The following DYNC1H1 variants were observed in gnomAD, a reference collection of about 807,000 sequenced individuals.
The protein encoded by DYNC1H1 is cytoplasmic dynein 1 heavy chain 1.
Under a neutral mutation model 527.1 loss-of-function variants are expected in DYNC1H1, and 51 were observed. The observed-to-expected ratio is 0.10, with a 90% CI of 0.08 to 0.12. The LOEUF (loss-of-function observed/expected upper bound fraction) is 0.12. DYNC1H1 is among the 10% of genes least tolerant of loss of function. The pLI, the probability that DYNC1H1 is intolerant of heterozygous loss-of-function variation, is 1.00. For synonymous variants in DYNC1H1, 2,189 were observed against 2,278.8 expected (o/e 0.96, Z 1.12); for missense variants, 2,771 against 5,971.8 (o/e 0.46, Z 17.66).
chr14:101,972,893 ATCGCAGTACT>A (rs1349093534), intron 1 of DYNC1H1, among the ~76,000 whole-genome samples: 3 of 152,228 alleles, frequency 2.0e-5, no homozygotes, highest in Non-Finnish European at 4.4e-5. Context: ...GGAGAAAATC[ATCGCAGTACT>A]TTGACAGCTG....
At chr14:102,034,247 T>C in intron 55 of DYNC1H1, 59 bp downstream of exon 55, 4 of 1,614,154 alleles carry the variant, frequency 2.5e-6, no homozygotes, top group East Asian at 2.2e-5. Context: ...AGCTGGTGTT[T>C]AGTGCACAGT....
Position 102,047,870 on chromosome 14 carries a change from G to A in DYNC1H1, c.13060G>A (p.Asp4354Asn), listed in dbSNP as rs1449580462. The A allele has an allele frequency of 1.2e-6, 2 of 1,613,450 alleles. No homozygotes were observed. The highest frequency in any genetic ancestry group is 8.5e-7 in the Non-Finnish European group (1 of 1,180,000). Residue 4354 changes from aspartate (D) to asparagine (N), a missense_variant, in exon 73 of 78, where the codon GAC becomes AAC. This residue lies in a region of DYNC1H1 where 170 missense variants were observed against 249.8 expected (regional missense o/e 0.68). Transcript: ENST00000360184. ...LKMQMLEDED[D>N]LAYAETEKKT... The stretch of plus-strand genomic sequence containing the variant: ...GATGCAGATGTTGGAGGATGAGGAC[G>A]ACCTGGCCTACGCAGAGACTGAGAA...
chr14:102,035,822 CT>C (rs2048568109), intron 56 of DYNC1H1: 1 of 152,762 alleles, frequency 6.5e-6, no homozygotes, highest in Admixed American at 6.5e-5. Context: ...GGGCAAGGGA[CT>C]TTGGTGACCA....
Position 102,044,087 on chromosome 14 carries a change from T to C in DYNC1H1, c.12684+42T>C. ...CCAGGACAGACAGTGGACGTGTATC[T>C]GGGAAGGATGCTGCAGGGCGTGGTG... On this transcript the variant is annotated intron_variant, in intron 70 of 77. Transcript: ENST00000360184. The surrounding 1 kb of genome is among the most constrained non-coding windows in gnomAD (Gnocchi z 7.1). The C allele has an allele frequency of 6.2e-7, 1 of 1,610,070 alleles. No homozygotes were observed.
chr14:102,016,189 G>A lies in DYNC1H1; in HGVS notation c.7473+103G>A, dbSNP rs937153973. On this transcript the variant is annotated intron_variant, in intron 36 of 77. Transcript: ENST00000360184. The surrounding 1 kb of genome is among the most constrained non-coding windows in gnomAD (Gnocchi z 7.3). ...CTGTGGGGATGTGCGCTCTCTCCTA[G>A]GCGAGGCAGAGCCTTCGTTGAGGGG... 19 of 1,515,296 alleles carry A rather than the reference G, an allele frequency of 1.3e-5. No homozygotes were observed. Among genetic ancestry groups the A allele is most frequent in the Non-Finnish European group, 1.6e-5 (18 of 1,116,662 alleles). 93.9% of individuals were successfully genotyped at this position (1,515,296 alleles called of 1,614,324 possible). A position where few individuals can be genotyped will look rare whatever the true frequency, so the allele number is the denominator to read the frequency against.
Position 102,046,667 on chromosome 14 carries a change from G to A in DYNC1H1, c.13007-1150G>A, listed in dbSNP as rs546383890. Among the ~76,000 whole-genome samples the A allele has an allele frequency of 2.6e-5, 4 of 152,312 alleles. No individual in the cohort carries two copies. The East Asian group carries it at 5.8e-4, about 22-fold the overall frequency. ...GGCAGGTGGCACCCCCTCCTGGAGC[G>A]CCTCTCGAGCACGCACTCATTCATG... On this transcript the variant is annotated intron_variant, in intron 72 of 77. Transcript: ENST00000360184.
rs756981107 is a variant in DYNC1H1 at position 102,039,769 on chromosome 14, G to T, written c.11690+37G>T. 4 of 1,607,034 alleles carry T rather than the reference G, an allele frequency of 2.5e-6. No homozygotes were observed. The highest frequency in any genetic ancestry group is 3.4e-6 in the Non-Finnish European group (4 of 1,173,948). On this transcript the variant is annotated intron_variant, in intron 62 of 77. Coordinates refer to ENST00000360184, the MANE Select transcript of DYNC1H1 (RefSeq NM_001376.5). This position sits in a 1 kb window ranked among gnomAD's most constrained non-coding sequence, Gnocchi z 7.0. ...CACGCCCACAGGAGGATGCCATATT[G>T]CTGGTGGCCCCCAAGGGTTTCATGA... is the stretch of plus-strand genomic sequence containing the variant.
chr14:102,044,661 G>A lies in DYNC1H1; in HGVS notation c.12969G>A (p.Leu4323=), dbSNP rs2048693560. 1 of 1,614,112 alleles carries A rather than the reference G, an allele frequency of 6.2e-7. No homozygotes were observed. The highest frequency in any genetic ancestry group is 8.5e-7 in the Non-Finnish European group (1 of 1,180,038). The change falls in exon 72 of 78, where the codon CTG becomes CTA. Residue 4323 remains leucine, a synonymous_variant. Coordinates refer to ENST00000360184, the MANE Select transcript of DYNC1H1 (RefSeq NM_001376.5). The surrounding 1 kb of genome is among the most constrained non-coding windows in gnomAD (Gnocchi z 7.1). ...PDTQTPSWLG[L]PNNAERVLLT... ...CCCAGACGCCCTCCTGGCTGGGCCTGCCCAACAACGCCGAGAGAGTCCTCC... is the reference window on the plus strand; with the variant it reads ...CCCAGACGCCCTCCTGGCTGGGCCTACCCAACAACGCCGAGAGAGTCCTCC...
At position 102,044,719 on chromosome 14, in the gene DYNC1H1, C is replaced by T. The variant is rs1412726714; in HGVS notation, c.13006+21C>T. On this transcript the variant is annotated intron_variant, in intron 72 of 77. Coordinates refer to ENST00000360184, the MANE Select transcript of DYNC1H1 (RefSeq NM_001376.5). This position sits in a 1 kb window ranked among gnomAD's most constrained non-coding sequence, Gnocchi z 7.1. The stretch of plus-strand genomic sequence containing the variant: ...ACAGGGTAGGCAACAAGGATCCTCC[C>T]CACACGCAGGGTGGGTGGCGAGGGT... 1 of 1,612,560 alleles carries T rather than the reference C, an allele frequency of 6.2e-7. No homozygotes were observed. The highest frequency in any genetic ancestry group is 2.2e-5 in the East Asian group (1 of 44,808).
At chr14:102,021,623 A>C (rs1595620146) in intron 42 of DYNC1H1, among the ~76,000 whole-genome samples, 1 of 150,350 alleles carries the variant, frequency 6.7e-6, no homozygotes, top group African/African-American at 2.5e-5. Flanking sequence ...CTAAAACTAC[A>C]CACATCACAG....
rs1555410900 is a variant in DYNC1H1, at chr14:102,027,251, T to C, written c.8849T>C (p.Val2950Ala). The C allele has an allele frequency of 6.2e-7, 1 of 1,614,106 alleles. No individual in the cohort carries two copies. The highest frequency in any genetic ancestry group is 2.2e-5 in the East Asian group (1 of 44,876). ...GGAAAAACTACCCTGTCTCGTTTCG[T>C]CGCCTGGATGAACGGTTTGAGTGTG... ...GAGKTTLSRF[V>A]AWMNGLSVYQ... The change falls in exon 45 of 78, where the codon GTC (valine) becomes GCC (alanine). Residue 2950 changes from valine to alanine, a missense_variant. Coordinates refer to ENST00000360184, the MANE Select transcript of DYNC1H1 (RefSeq NM_001376.5). This position sits in a 1 kb window ranked among gnomAD's most constrained non-coding sequence, Gnocchi z 7.7.
In DYNC1H1 at chr14:101,994,288, C is replaced by T; in HGVS notation, c.3120C>T (p.Val1040=). The change falls in exon 12 of 78, where the codon GTC becomes GTT. Residue 1040 remains valine, a synonymous_variant. Transcript: ENST00000360184. ...CCCTGGAAGAGTCGTATTCTGCTGT[C>T]ATGGGCATTGTATCTGAAGTTGAAC... ...PVALEESYSA[V]MGIVSEVEQY... is the part of the protein sequence containing the mutation. The T allele has an allele frequency of 3.7e-6, 6 of 1,614,178 alleles. No individual in the cohort carries two copies. Among genetic ancestry groups the T allele is most frequent in the Non-Finnish European group, 4.2e-6 (5 of 1,180,038 alleles).
Position 102,038,605 on chromosome 14 carries a change from C to T in DYNC1H1, c.11054C>T (p.Thr3685Ile). Residue 3685 changes from threonine to isoleucine, a missense_variant and splice_region_variant, in exon 58 of 78, where the codon ACT becomes ATT. Around this residue, in one of 32 missense-constraint regions of DYNC1H1, gnomAD observed 283 missense variants for 737.6 expected, o/e 0.38. Coordinates refer to ENST00000360184, the MANE Select transcript of DYNC1H1 (RefSeq NM_001376.5). This position sits in a 1 kb window ranked among gnomAD's most constrained non-coding sequence, Gnocchi z 7.2. ...FVIFLSTRDP[T>I]VEFPPDLCSR... ...ATCTTCCTGTCCACCCGGGATCCAA[C>T]TGTAAGGAATGGGACCCTTCCCCAG... The T allele has an allele frequency of 6.2e-7, 1 of 1,614,240 alleles. No individual in the cohort carries two copies. The highest frequency in any genetic ancestry group is 8.5e-7 in the Non-Finnish European group (1 of 1,180,042).
chr14:102,050,343 TC>T, intron 77 of DYNC1H1, 91 bp from the exon 78 acceptor site: 1 of 1,612,058 alleles, frequency 6.2e-7, no homozygotes, highest in Middle Eastern at 1.7e-4. Context: ...TGTCCAAACC[TC>T]TCCTTGCCGG....
intron 10 of DYNC1H1, among the ~76,000 whole-genome samples, chr14:101,990,360 T>G (rs1177396668): frequency 6.6e-6 from 1 of 152,118 alleles, no homozygotes; most frequent in East Asian, 1.9e-4. Flanking sequence ...CCAAACCAGA[T>G]GAAAGTTCAT....
In DYNC1H1 at chr14:102,049,976, G is replaced by A. The variant is rs1052437015; in HGVS notation, c.13684+94G>A. On this transcript the variant is annotated intron_variant, in intron 76 of 77. Transcript: ENST00000360184. This position sits in a 1 kb window ranked among gnomAD's most constrained non-coding sequence, Gnocchi z 5.5. ...CAGATACATGCACTTAGGGTGACCG[G>A]CTGGCAGTTGGGTGGAGCCTCTGGG... 30 of 1,479,948 alleles carry A rather than the reference G, an allele frequency of 2.0e-5. No homozygotes were observed. The highest frequency in any genetic ancestry group is 2.6e-5 in the Non-Finnish European group (29 of 1,110,040). The allele number at this position is 1,479,948 out of a possible 1,614,324, so 91.7% of individuals were successfully genotyped here.
chr14:101,976,894 G>T (rs6575888), intron 2 of DYNC1H1, among the ~76,000 whole-genome samples: 1 of 151,988 alleles, frequency 6.6e-6, no homozygotes, highest in Non-Finnish European at 1.5e-5. Flanking sequence ...AACTATTTAT[G>T]TATTGTTTAT....
intron 15 of DYNC1H1, among the ~76,000 whole-genome samples, chr14:101,996,307 T>C (rs2048061760): frequency 6.6e-6 from 1 of 151,466 alleles, no homozygotes; most frequent in Admixed American, 6.6e-5. Context: ...TTTTTGTATT[T>C]TTAGCAGAGA....
chr14:102,046,403 A>AT (rs1288585024), intron 72 of DYNC1H1, among the ~76,000 whole-genome samples: 5 of 152,208 alleles, frequency 3.3e-5, no homozygotes, highest in African/African-American at 1.2e-4. Context: ...TTAACAGGAC[A>AT]GAATCAGGAG....
Sources: allele counts gnomAD v4.1 joint callset (sites outside exome capture counted in the v4.1 genomes callset), GRCh38; gene constraint gnomAD v4.1.1; regional missense constraint gnomAD v4.1.1; non-coding constraint Gnocchi (gnomAD v3.1); transcripts MANE v1.5; gene names NCBI Gene and HGNC (gene_info 2026-07-23, HGNC 2026-07-21).